NPAS3: variants seen among roughly 807,000 people sequenced by gnomAD.
NPAS3 encodes neuronal PAS domain-containing protein 3.
In NPAS3, 14 loss-of-function variants were observed where a neutral mutation model predicts 73.1. That is an observed-to-expected ratio of 0.19 (90% CI 0.13 to 0.30). The LOEUF is 0.30. Ranked by LOEUF, NPAS3 falls within the 10% of genes least tolerant of loss-of-function variation. The pLI is 1.00. For missense variants in NPAS3, 1,096 were observed against 1,250.0 expected, an observed-to-expected ratio of 0.88 and a Z score of 1.86; for synonymous variants, 620 against 541.5, an observed-to-expected ratio of 1.14 and a Z score of -2.01.
intron 5 of NPAS3, among the ~76,000 whole-genome samples, chr14:33,579,116 T>G (rs1160027001): frequency 1.3e-5 from 2 of 152,224 alleles, no homozygotes; most frequent in African/African-American, 4.8e-5. Flanking sequence ...TAGATTCTGC[T>G]ATCATTCCAG....
intron 3 of NPAS3, among the ~76,000 whole-genome samples, chr14:33,276,301 AGAAG>A (rs745956749): frequency 3.1e-4 from 47 of 152,250 alleles, no homozygotes; most frequent in Non-Finnish European, 6.8e-4. Flanking sequence ...CACAGTAATA[AGAAG>A]GAAGAAATTA....
chr14:33,012,958 G>T (rs577362725), intron 1 of NPAS3, among the ~76,000 whole-genome samples: 8 of 152,180 alleles, frequency 5.3e-5, no homozygotes, highest in Non-Finnish European at 1.2e-4. Context: ...TGGAATCTGA[G>T]CGTTCTTGGG....
At chr14:33,176,333 C>G (rs761963426) in intron 2 of NPAS3, among the ~76,000 whole-genome samples, 34 of 152,132 alleles carry the variant, frequency 2.2e-4, no homozygotes, top group Non-Finnish European at 4.1e-4. Flanking sequence ...TCATGACTCC[C>G]AAACAAACTC....
intron 2 of NPAS3, among the ~76,000 whole-genome samples, chr14:33,181,505 G>A (rs2045799624): frequency 6.6e-6 from 1 of 152,142 alleles, no homozygotes; most frequent in Admixed American, 6.5e-5. Context: ...TTGGTTCAGG[G>A]AGAATTTTGC....
At chr14:33,386,512 CTT>C (rs34867536) in intron 4 of NPAS3, among the ~76,000 whole-genome samples, 31,307 of 149,784 alleles carry the variant, frequency 0.21, 3,564 homozygotes, top group South Asian at 0.31. Flanking sequence ...CAGTTTCAAT[CTT>C]TTTTTTTTTT....
At chr14:33,482,504 G>A (rs1313244964) in intron 4 of NPAS3, among the ~76,000 whole-genome samples, 2 of 152,166 alleles carry the variant, frequency 1.3e-5, no homozygotes, top group South Asian at 2.1e-4. Context: ...GATTACAGAA[G>A]TTGAAACGTG....
intron 5 of NPAS3, among the ~76,000 whole-genome samples, chr14:33,650,249 TA>T (rs1197415376): frequency 6.6e-6 from 1 of 152,202 alleles, no homozygotes; most frequent in Non-Finnish European, 1.5e-5. Flanking sequence ...AGGAATATGC[TA>T]CCTTAACGCA....
intron 9 of NPAS3, among the ~76,000 whole-genome samples, chr14:33,782,092 C>T (rs939166005): frequency 6.6e-6 from 1 of 152,192 alleles, no homozygotes; most frequent in Non-Finnish European, 1.5e-5. Flanking sequence ...TTCTAGGGCC[C>T]CTTCTTTCAC....
intron 2 of NPAS3, among the ~76,000 whole-genome samples, chr14:33,114,525 C>T (rs756371201): frequency 4.6e-5 from 7 of 152,110 alleles, no homozygotes; most frequent in African/African-American, 9.7e-5. Context: ...ATTTGACAAA[C>T]TTTGTGGGTT....
At chr14:33,493,652 G>C (rs562505319) in intron 4 of NPAS3, among the ~76,000 whole-genome samples, 2 of 152,222 alleles carry the variant, frequency 1.3e-5, no homozygotes, top group Admixed American at 1.3e-4. Flanking sequence ...AAAATAGAGG[G>C]AGGGGCTAGC....
chr14:33,518,701 C>G (rs913696350), intron 4 of NPAS3, among the ~76,000 whole-genome samples: 1 of 150,868 alleles, frequency 6.6e-6, no homozygotes. Flanking sequence ...TAGTTAACTC[C>G]TACATATTAG....
rs543234597 is a variant in NPAS3 at position 33,185,015 on chromosome 14, G to GTGAA, written c.141-30146_141-30143dup. 3.3e-4 allele frequency among the ~76,000 whole-genome samples: 50 copies of GTGAA among 152,234 alleles called. 1 individual carries two copies. The highest frequency in any genetic ancestry group is 8.3e-4 in the South Asian group (4 of 4,822). On this transcript the variant is annotated intron_variant, in intron 2 of 11. Coordinates refer to ENST00000356141, the Ensembl canonical transcript of NPAS3. ...CCAGTTGGCTTTAAGAACTCTTTCA[G>GTGAA]TGAATGAATGAATGAATGAATGAAA...
At chr14:33,584,587 A>T (rs1207361684) in intron 5 of NPAS3, among the ~76,000 whole-genome samples, 3 of 152,180 alleles carry the variant, frequency 2.0e-5, no homozygotes, top group African/African-American at 7.2e-5. Flanking sequence ...CTGGCAGGAC[A>T]AGGGCTTATA....
At chr14:33,187,498 T>A (rs2046021072) in intron 2 of NPAS3, among the ~76,000 whole-genome samples, 1 of 152,158 alleles carries the variant, frequency 6.6e-6, no homozygotes, top group Non-Finnish European at 1.5e-5. Context: ...TTAAAAAAAA[T>A]TATGTAGGTT....
chr14:33,718,750 G>A (rs1166501386), intron 6 of NPAS3, among the ~76,000 whole-genome samples: 3 of 152,164 alleles, frequency 2.0e-5, no homozygotes, highest in East Asian at 1.9e-4. Flanking sequence ...ACAACCTCCC[G>A]AAGTTAGGCA....
At chr14:33,481,464 C>G (rs926228669) in intron 4 of NPAS3, among the ~76,000 whole-genome samples, 3 of 152,266 alleles carry the variant, frequency 2.0e-5, no homozygotes, top group Admixed American at 6.5e-5. Context: ...GAATTTACCC[C>G]ATTAACAGCT....
At chr14:33,458,916 A>G (rs2139467573) in intron 4 of NPAS3, among the ~76,000 whole-genome samples, 1 of 152,342 alleles carries the variant, frequency 6.6e-6, no homozygotes, top group East Asian at 1.9e-4. Flanking sequence ...TCCATAGAGT[A>G]AAGTGAAAGC....
At chr14:33,259,956 C>T (rs183962504) in intron 3 of NPAS3, among the ~76,000 whole-genome samples, 2 of 151,312 alleles carry the variant, frequency 1.3e-5, no homozygotes, top group Admixed American at 6.6e-5. Flanking sequence ...GAGGAGGAAA[C>T]GAAATCACAG....
intron 4 of NPAS3, among the ~76,000 whole-genome samples, chr14:33,509,109 A>G (rs1290584110): frequency 2.6e-5 from 4 of 151,846 alleles, no homozygotes; most frequent in South Asian, 4.2e-4. Context: ...AGAGGATTCA[A>G]TAGTCTTAAG....
Sources: gnomAD v4.1 joint callset for allele counts (sites outside exome capture counted in the v4.1 genomes callset) on GRCh38, gnomAD v4.1.1 for gene constraint, MANE v1.5 for transcripts, NCBI Gene and HGNC (gene_info 2026-07-23, HGNC 2026-07-21) for gene names.